Variants in COL21A1 observed in about 807,000 individuals in gnomAD.
COL21A1 encodes collagen type XXI alpha 1 chain.
In COL21A1, 149 loss-of-function variants were observed where a neutral mutation model predicts 137.9. The ratio of observed to expected loss-of-function variants is 1.08; its 90% CI spans 0.95 to 1.24. The LOEUF (loss-of-function observed/expected upper bound fraction) is 1.24, where lower values mean the gene tolerates loss of function less well. Among genes scored for constraint, COL21A1 ranks in the 50% most tolerant of loss-of-function variants. The probability of loss-of-function intolerance (pLI) is 0.00; values close to 1 mark genes in which losing one functional copy is unlikely to be tolerated. For synonymous variants in COL21A1, 456 were observed against 391.5 expected (o/e 1.16, Z -1.95); for missense variants, 1,167 against 1,158.4 (o/e 1.01, Z -0.11).
At chr6:56,073,465 C>T (rs1485549065) in intron 20 of COL21A1, among the ~76,000 whole-genome samples, 3 of 151,362 alleles carry the variant, frequency 2.0e-5, no homozygotes, top group African/African-American at 7.3e-5. Flanking sequence ...TACTCATATG[C>T]CAGGGTCTAT....
intron 1 of COL21A1, among the ~76,000 whole-genome samples, chr6:56,243,402 G>T (rs1782463464): frequency 6.6e-6 from 1 of 152,194 alleles, no homozygotes; most frequent in African/African-American, 2.4e-5. Flanking sequence ...TATTTTCTGA[G>T]AAACTTTAAG....
intron 1 of COL21A1, among the ~76,000 whole-genome samples, chr6:56,257,047 T>C (rs995952497): frequency 6.6e-6 from 1 of 152,172 alleles, no homozygotes; most frequent in Non-Finnish European, 1.5e-5. Context: ...TGATTTACAA[T>C]GTCTGGGGAG....
chr6:56,231,938 A>G (rs575874393), intron 1 of COL21A1, among the ~76,000 whole-genome samples: 1 of 151,788 alleles, frequency 6.6e-6, no homozygotes, highest in Non-Finnish European at 1.5e-5. Flanking sequence ...AATCCAACTG[A>G]TTTCTTGCAG....
At chr6:56,086,568 C>T (rs1477205541) in intron 17 of COL21A1, among the ~76,000 whole-genome samples, 1 of 152,100 alleles carries the variant, frequency 6.6e-6, no homozygotes, top group African/African-American at 2.4e-5. Context: ...GGTCTTCACC[C>T]TCATCATCTT....
At chr6:56,091,869 A>G (rs1474524654) in intron 17 of COL21A1, among the ~76,000 whole-genome samples, 1 of 152,194 alleles carries the variant, frequency 6.6e-6, no homozygotes, top group African/African-American at 2.4e-5. Flanking sequence ...ATTTTCTGTT[A>G]CGGTTTTTTC....
intron 17 of COL21A1, among the ~76,000 whole-genome samples, chr6:56,082,652 TCTA>T (rs1160975733): frequency 1.4e-5 from 2 of 148,120 alleles, no homozygotes; most frequent in Non-Finnish European, 1.5e-5. Flanking sequence ...ACCGGAAAAT[TCTA>T]CTATTTTTTT....
At chr6:56,320,086 T>C (rs1268198416) in intron 1 of COL21A1, among the ~76,000 whole-genome samples, 1 of 152,046 alleles carries the variant, frequency 6.6e-6, no homozygotes, top group South Asian at 2.1e-4. Flanking sequence ...GCAACACATA[T>C]CTTAAACTGG....
chr6:56,168,154 T>C lies in COL21A1; in HGVS notation c.1170A>G (p.Gly390=). ...CAGTTTCTTCTTTTCCAGAATATTT[T>C]CCAATTTGGGTTTGCCCATTGATCA... ...GILINGQTQI[G]KYSGKEETVQ... The change falls in exon 6 of 30, where the codon GGA becomes GGG. Residue 390 remains glycine, a synonymous_variant. Transcript: ENST00000244728. The C allele has an allele frequency of 6.5e-7, 1 of 1,533,614 alleles. No individual in the cohort carries two copies. Among genetic ancestry groups the C allele is most frequent in the Non-Finnish European group, 8.8e-7 (1 of 1,136,356 alleles).
chr6:56,330,561 T>C (rs1765196412), intron 1 of COL21A1, among the ~76,000 whole-genome samples: 2 of 152,114 alleles, frequency 1.3e-5, no homozygotes, highest in African/African-American at 4.8e-5. Context: ...TACATGAACA[T>C]ATTGCACAGT....
At chr6:56,311,907 G>T (rs1320274037) in intron 1 of COL21A1, among the ~76,000 whole-genome samples, 2 of 152,202 alleles carry the variant, frequency 1.3e-5, no homozygotes, top group East Asian at 1.9e-4. Context: ...TTTCTGGAGT[G>T]GGGGATGCCT....
chr6:56,286,659 C>T (rs1763920924), intron 1 of COL21A1, among the ~76,000 whole-genome samples: 1 of 150,982 alleles, frequency 6.6e-6, no homozygotes, highest in South Asian at 2.1e-4. Flanking sequence ...GCCTAAATTT[C>T]TAATTATTTT....
intron 1 of COL21A1, among the ~76,000 whole-genome samples, chr6:56,311,986 A>G (rs1194117000): frequency 6.6e-6 from 1 of 152,216 alleles, no homozygotes; most frequent in Non-Finnish European, 1.5e-5. Flanking sequence ...TCATAAACAG[A>G]AGAAAAGAGC....
At chr6:56,130,801 T>A (rs1773500211) in intron 12 of COL21A1, among the ~76,000 whole-genome samples, 2 of 152,268 alleles carry the variant, frequency 1.3e-5, no homozygotes, top group South Asian at 4.1e-4. Context: ...CAACAAGTTG[T>A]CAGCAAAACT....
intron 1 of COL21A1, among the ~76,000 whole-genome samples, chr6:56,184,704 A>T (rs1236812821): frequency 6.6e-6 from 1 of 152,242 alleles, no homozygotes; most frequent in Non-Finnish European, 1.5e-5. Context: ...AAAAAATTGA[A>T]ACCATACAGA....
chr6:56,130,146 G>C (rs1447583940), intron 12 of COL21A1, among the ~76,000 whole-genome samples: 7 of 140,502 alleles, frequency 5.0e-5, no homozygotes, highest in South Asian at 4.6e-4. Context: ...GCCTCCCTGA[G>C]AGCATTCATG....
chr6:56,381,329 C>G (rs2094008314), intron 1 of COL21A1, among the ~76,000 whole-genome samples: 1 of 152,134 alleles, frequency 6.6e-6, no homozygotes, highest in African/African-American at 2.4e-5. Flanking sequence ...GGAATAGACA[C>G]CTAAATTCAG....
At position 56,226,288 on chromosome 6, in the gene COL21A1, C is replaced by T. The variant is rs555141660; in HGVS notation, c.-39+21099G>A. Among the ~76,000 whole-genome samples, 145 of 151,802 alleles carry T rather than the reference C, an allele frequency of 9.6e-4. 1 individual carries two copies. The highest frequency in any genetic ancestry group is 9.1e-3 in the South Asian group (44 of 4,812). On this transcript the variant is annotated intron_variant, in intron 1 of 29. Transcript: ENST00000244728. Reference sequence around the variant, plus strand: ...GGAAATATAGGAATGTTATATCATTCCTTTCTAGAAAGAAGAGCAAAGTAA... The same window carrying T: ...GGAAATATAGGAATGTTATATCATTTCTTTCTAGAAAGAAGAGCAAAGTAA...
intron 7 of COL21A1, among the ~76,000 whole-genome samples, chr6:56,166,427 G>T (rs756709009): frequency 6.6e-6 from 1 of 152,042 alleles, no homozygotes; most frequent in Non-Finnish European, 1.5e-5. Context: ...TTAGGCCGGC[G>T]AATCACCTGC....
intron 12 of COL21A1, among the ~76,000 whole-genome samples, chr6:56,135,594 T>C (rs533846043): frequency 6.6e-6 from 1 of 152,256 alleles, no homozygotes; most frequent in East Asian, 1.9e-4. Flanking sequence ...CAATTTCACT[T>C]CCGAGGACTT....
Sources: gnomAD v4.1 joint callset for allele counts (sites outside exome capture counted in the v4.1 genomes callset) on GRCh38, gnomAD v4.1.1 for gene constraint, MANE v1.5 for transcripts, NCBI Gene and HGNC (gene_info 2026-07-23, HGNC 2026-07-21) for gene names.